DNAH8: variants seen among roughly 807,000 people sequenced by gnomAD.
The protein encoded by DNAH8 is axonemal beta dynein heavy chain 8.
Under a neutral mutation model 562.1 loss-of-function variants are expected in DNAH8, and 382 were observed. That is an observed-to-expected ratio of 0.68 (90% CI 0.63 to 0.74). The LOEUF (loss-of-function observed/expected upper bound fraction) is 0.74. Among genes scored for constraint, DNAH8 ranks in the 30% least tolerant of loss-of-function variants. The pLI is 0.00. For synonymous variants in DNAH8, 1,881 were observed against 1,919.4 expected (o/e 0.98, Z 0.52); for missense variants, 5,203 against 5,620.4 (o/e 0.93, Z 2.37).
In DNAH8 at chr6:38,872,612, C is replaced by CGA. The variant is rs2150433939; in HGVS notation, c.7068_7069dup (p.Ile2357ArgfsTer3). The CGA allele has an allele frequency of 6.2e-7, 1 of 1,614,060 alleles. No individual in the cohort carries two copies. Among genetic ancestry groups the CGA allele is most frequent in the East Asian group, 2.2e-5 (1 of 44,850 alleles). ...GGTTCTGGAAAGACAACCGTTATCA[C>CGA]GATTCTAATGAAGGCGCAAACAGAA... is the stretch of plus-strand genomic sequence containing the variant. On this transcript the variant is annotated frameshift_variant, in exon 50 of 93. Transcript: ENST00000327475. LOFTEE classifies it high-confidence loss of function.
chr6:38,777,028 ACAT>A (rs1387799176), intron 13 of DNAH8, among the ~76,000 whole-genome samples: 2 of 152,226 alleles, frequency 1.3e-5, no homozygotes, highest in Admixed American at 1.3e-4. Flanking sequence ...TTTAAAAACT[ACAT>A]TACACGTAAC....
intron 38 of DNAH8, among the ~76,000 whole-genome samples, 192 bp from the exon 39 acceptor site, chr6:38,851,380 G>A (rs1775731370): frequency 6.6e-6 from 1 of 152,192 alleles, no homozygotes; most frequent in African/African-American, 2.4e-5. Context: ...TGAATCTCTT[G>A]TTTTCCCAAG....
At chr6:38,764,773 T>C (rs1309877459) in intron 11 of DNAH8, 1 of 151,992 alleles carries the variant, frequency 6.6e-6, no homozygotes, top group East Asian at 1.9e-4. Flanking sequence ...CCTTTTCAAA[T>C]GCCTGCTGGC....
At chr6:38,825,243 T>C (rs1484541155) in intron 28 of DNAH8, among the ~76,000 whole-genome samples, 1 of 152,088 alleles carries the variant, frequency 6.6e-6, no homozygotes, top group Non-Finnish European at 1.5e-5. Flanking sequence ...TGGGCCACGC[T>C]TTCTCCTCAG....
intron 8 of DNAH8, among the ~76,000 whole-genome samples, chr6:38,742,329 C>T (rs999773314): frequency 2.6e-5 from 4 of 152,082 alleles, no homozygotes; most frequent in East Asian, 3.9e-4. Flanking sequence ...AACAGGGTCT[C>T]GTTCTGTCAC....
In DNAH8 at chr6:39,018,539, T is replaced by C. The variant is rs1162974764; in HGVS notation, c.13714+5902T>C. On this transcript the variant is annotated intron_variant, in intron 91 of 92. Coordinates refer to ENST00000327475, the MANE Select transcript of DNAH8 (RefSeq NM_001206927.2). ...CAGCCTATGAGTGGCTCATCTAATG[T>C]CCCACTGTAGCATGCTCATTCCTCA... Among the ~76,000 whole-genome samples the C allele has an allele frequency of 2.0e-5, 3 of 152,316 alleles. No homozygotes were observed. In the East Asian group the frequency reaches 5.8e-4, roughly 29 times the overall value.
intron 5 of DNAH8, among the ~76,000 whole-genome samples, chr6:38,736,765 G>A (rs372063453): frequency 6.6e-6 from 1 of 151,442 alleles, no homozygotes; most frequent in South Asian, 2.1e-4. Context: ...TTTTCTTTAC[G>A]CAGGTTTGGT....
chr6:38,781,446 T>C (rs1768604743), intron 16 of DNAH8, 73 bp downstream of exon 16: 16 of 1,528,534 alleles, frequency 1.0e-5, no homozygotes, highest in Non-Finnish European at 1.4e-5. Context: ...TATCCTATAA[T>C]ATTTGTGTGC....
rs7770463 is a variant in DNAH8 at position 38,737,365 on chromosome 6, A to G, written c.952+109A>G. On this transcript the variant is annotated intron_variant, in intron 6 of 92. Transcript: ENST00000327475. ...ATCTTAAAAGATGTTAATCCAAGTA[A>G]TTATGAGACTTAGAGGCAAGAAATG... The G allele has an allele frequency of 0.13, 78,072 of 601,208 alleles. 5,768 individuals are homozygous for G. Among genetic ancestry groups the G allele is most frequent in the Admixed American group, 0.22 (5,248 of 23,444 alleles). 37.2% of individuals were successfully genotyped at this position (601,208 alleles called of 1,614,324 possible).
At chr6:38,855,730 C>T (rs1776142669) in intron 41 of DNAH8, among the ~76,000 whole-genome samples, 2 of 152,102 alleles carry the variant, frequency 1.3e-5, no homozygotes, top group South Asian at 4.2e-4. Context: ...CAAGGGTCCC[C>T]AACCACCCCC....
intron 78 of DNAH8, 104 bp from the exon 79 acceptor site, chr6:38,938,694 A>G (rs1783180577): frequency 1.4e-5 from 10 of 735,314 alleles, no homozygotes; most frequent in Middle Eastern, 4.0e-4. Flanking sequence ...CCACCATGAC[A>G]TAGGTTTACC....
intron 66 of DNAH8, among the ~76,000 whole-genome samples, chr6:38,912,272 G>A (rs1395276017): frequency 6.6e-6 from 1 of 152,112 alleles, no homozygotes; most frequent in Non-Finnish European, 1.5e-5. Context: ...AGAGCAGCCT[G>A]GGCAACATGG....
chr6:38,915,099 G>A lies in DNAH8; in HGVS notation c.9964-102G>A, dbSNP rs992609046. The A allele has an allele frequency of 2.6e-5, 26 of 1,001,644 alleles. No homozygotes were observed. The African/African-American group carries it at 2.9e-4, about 11-fold the overall frequency. 62.0% of individuals were successfully genotyped at this position (1,001,644 alleles called of 1,614,324 possible). A position where few individuals can be genotyped will look rare whatever the true frequency, so the allele number is the denominator to read the frequency against. On this transcript the variant is annotated intron_variant, in intron 67 of 92. Coordinates refer to ENST00000327475, the MANE Select transcript of DNAH8 (RefSeq NM_001206927.2). ...TTAGGAAATAAGTTTGTTCTTATTC[G>A]TGTTTTATATTATGTTGAATAAATA...
At chr6:38,883,300 C>T in intron 54 of DNAH8, 22 bp from the exon 55 acceptor site, 1 of 1,580,630 alleles carries the variant, frequency 6.3e-7, no homozygotes, top group Non-Finnish European at 8.6e-7. Context: ...CACATTTCAA[C>T]ACTATTATCC....
At chr6:38,971,562 C>T in intron 82 of DNAH8, 30 bp from the exon 83 acceptor site, 3 of 1,379,170 alleles carry the variant, frequency 2.2e-6, no homozygotes, top group East Asian at 4.9e-5. Context: ...AGTTGTGTTT[C>T]ATCATAGTGA....
intron 36 of DNAH8, among the ~76,000 whole-genome samples, chr6:38,847,097 G>C (rs545810197): frequency 1.1e-4 from 17 of 152,122 alleles, no homozygotes; most frequent in Non-Finnish European, 2.5e-4. Context: ...GAAGGAAGCT[G>C]TATGTCTCCT....
intron 11 of DNAH8, among the ~76,000 whole-genome samples, chr6:38,769,365 C>A (rs1350007014): frequency 6.6e-6 from 1 of 152,164 alleles, no homozygotes; most frequent in South Asian, 2.1e-4. Context: ...GCTATCCCTC[C>A]CCTAGCCTCC....
chr6:38,950,105 C>T (rs1359537375), intron 81 of DNAH8, among the ~76,000 whole-genome samples: 1 of 151,910 alleles, frequency 6.6e-6, no homozygotes, highest in Non-Finnish European at 1.5e-5. Flanking sequence ...AAGAAAATCG[C>T]CCTCTCTTTT....
chr6:38,897,115 C>T (rs1230249952), intron 60 of DNAH8, among the ~76,000 whole-genome samples: 1 of 152,138 alleles, frequency 6.6e-6, no homozygotes, highest in African/African-American at 2.4e-5. Context: ...ATCCACCCAT[C>T]TCGGCCTCCC....
Sources: gnomAD v4.1 joint callset for allele counts (sites outside exome capture counted in the v4.1 genomes callset) on GRCh38, gnomAD v4.1.1 for gene constraint, MANE v1.5 for transcripts, NCBI Gene and HGNC (gene_info 2026-07-23, HGNC 2026-07-21) for gene names.